The following L3HYPDH variants were observed in gnomAD, a reference collection of about 807,000 sequenced individuals.
L3HYPDH encodes trans-L-3-hydroxyproline dehydratase, also known as trans-3-hydroxy-L-proline dehydratase.
A neutral mutation model predicts 26.5 loss-of-function variants in L3HYPDH; 32 were observed. The ratio of observed to expected loss-of-function variants is 1.21; its 90% CI spans 0.91 to 1.62. L3HYPDH has a LOEUF of 1.62. Ranked by LOEUF, L3HYPDH falls within the 40% of genes most tolerant of loss-of-function variation. The pLI, the probability that L3HYPDH is intolerant of heterozygous loss-of-function variation, is 0.00. For missense variants in L3HYPDH, 554 were observed against 476.4 expected (o/e 1.16, Z -1.52); for synonymous variants, 215 against 196.6 (o/e 1.09, Z -0.78).
upstream of L3HYPDH, among the ~76,000 whole-genome samples, chr14:59,486,234 T>C (rs1017737841): frequency 1.4e-4 from 22 of 152,352 alleles, no homozygotes; most frequent in Admixed American, 1.0e-3. Context: ...TATGAAATTA[T>C]GTTCTCTCTG....
upstream of L3HYPDH, chr14:59,484,662 C>A: frequency 1.3e-6 from 2 of 1,536,330 alleles, no homozygotes; most frequent in Non-Finnish European, 1.8e-6. Flanking sequence ...CGGCTGGCCT[C>A]GGGCTCGGCT....
At chr14:59,477,375 C>CA (rs1889709581) in intron 2 of L3HYPDH, among the ~76,000 whole-genome samples, 1 of 152,214 alleles carries the variant, frequency 6.6e-6, no homozygotes, top group South Asian at 2.1e-4. Flanking sequence ...TCTGCTTCAG[C>CA]AGTGTGAATA....
At chr14:59,465,843 A>T (rs1889152994) in intron 1 of L3HYPDH, among the ~76,000 whole-genome samples, 2 of 152,176 alleles carry the variant, frequency 1.3e-5, no homozygotes, top group South Asian at 4.1e-4. Flanking sequence ...ATTCACATAG[A>T]GGGCGTGTTA....
downstream of L3HYPDH, among the ~76,000 whole-genome samples, chr14:59,468,389 C>T (rs1269613794): frequency 6.6e-6 from 1 of 152,194 alleles, no homozygotes; most frequent in Non-Finnish European, 1.5e-5. Flanking sequence ...GCTTTTATGA[C>T]TTCCTTAAAC....
At chr14:59,493,458 A>G in the L3HYPDH span, among the ~76,000 whole-genome samples, 1 of 152,212 alleles carries the variant, frequency 6.6e-6, no homozygotes, top group African/African-American at 2.4e-5. Flanking sequence ...TCACATCACA[A>G]AATAGTGAGA....
At chr14:59,474,746 G>A (rs1889511815) in intron 4 of L3HYPDH, 2 of 391,442 alleles carry the variant, frequency 5.1e-6, no homozygotes, top group Non-Finnish European at 9.0e-6. Context: ...ATTCTTGTGA[G>A]GATTAAATGA....
the L3HYPDH span, among the ~76,000 whole-genome samples, chr14:59,499,326 AGTAT>A: frequency 6.6e-6 from 1 of 152,252 alleles, no homozygotes; most frequent in South Asian, 2.1e-4. Flanking sequence ...TAAAAATCTA[AGTAT>A]GTAATAAGAA....
upstream of L3HYPDH, chr14:59,484,835 C>A: frequency 9.7e-7 from 1 of 1,028,374 alleles, no homozygotes; most frequent in Non-Finnish European, 1.4e-6. Flanking sequence ...GTTGTTTGGT[C>A]CGAAATGTCT....
chr14:59,494,706 AAC>A, the L3HYPDH span, among the ~76,000 whole-genome samples: 1 of 152,168 alleles, frequency 6.6e-6, no homozygotes, highest in Admixed American at 6.5e-5. Flanking sequence ...CTTTCTAACA[AAC>A]ACGTTACATA....
chr14:59,505,152 A>G, the L3HYPDH span: 1 of 588,138 alleles, frequency 1.7e-6, no homozygotes, highest in Non-Finnish European at 2.8e-6. Context: ...TAAGACTTCT[A>G]TTAACAGCTG....
intron 1 of L3HYPDH, among the ~76,000 whole-genome samples, chr14:59,466,916 A>G (rs1186508632): frequency 2.0e-5 from 3 of 152,148 alleles, no homozygotes; most frequent in Admixed American, 2.0e-4. Context: ...GATATTGCCA[A>G]ATATCCTCTT....
Position 59,484,111 on chromosome 14 carries a change from G to C in L3HYPDH, c.206C>G (p.Pro69Arg). ...DHVRRRLMFEPRGHRDMYGAV... is the reference protein window; with the variant it reads ...DHVRRRLMFERRGHRDMYGAV... ...CCCGTACATGTCCCGGTGCCCTCGG[G>C]GCTCGAACATGAGCCGTCGCCGCAC... The change falls in exon 1 of 5, where the codon CCC (proline) becomes CGC (arginine). Residue 69 changes from proline (P) to arginine (R), a missense_variant. Pro to Arg is a moderately radical substitution (Grantham distance 103). Coordinates refer to ENST00000247194, the MANE Select transcript of L3HYPDH (RefSeq NM_144581.2). 1 of 1,604,662 alleles carries C rather than the reference G, an allele frequency of 6.2e-7. No homozygotes were observed. Among genetic ancestry groups the C allele is most frequent in the Non-Finnish European group, 8.5e-7 (1 of 1,179,230 alleles).
Position 59,473,047 on chromosome 14 carries a change from G to C in L3HYPDH, c.983C>G (p.Ser328Ter). ...GDFKAVIVEV[S>*]GQAHYTGTAS... ...TGTACCCGTGTAATGGGCTTGTCCT[G>C]ATACTTCCACTATAACAGCTTTAAA... The change falls in exon 5 of 5, where the codon TCA (serine) becomes TGA (stop). Residue 328 changes from serine to a stop codon, truncating the protein, a stop_gained. Transcript: ENST00000247194. LOFTEE classifies it high-confidence loss of function. 2 of 1,606,800 alleles carry C rather than the reference G, an allele frequency of 1.2e-6. No homozygotes were observed. The highest frequency in any genetic ancestry group is 2.2e-5 in the South Asian group (2 of 89,878).
chr14:59,468,055 T>G (rs920751555), downstream of L3HYPDH, among the ~76,000 whole-genome samples: 2 of 126,554 alleles, frequency 1.6e-5, no homozygotes, highest in African/African-American at 6.8e-5. Context: ...CTAGGCATAA[T>G]GCTCTTAAAA....
At chr14:59,494,737 T>C in the L3HYPDH span, among the ~76,000 whole-genome samples, 1 of 152,168 alleles carries the variant, frequency 6.6e-6, no homozygotes, top group African/African-American at 2.4e-5. Context: ...TATGTGCATA[T>C]TAAGATTAAA....
At chr14:59,493,269 T>C in the L3HYPDH span, among the ~76,000 whole-genome samples, 23 of 152,340 alleles carry the variant, frequency 1.5e-4, no homozygotes, top group Admixed American at 1.4e-3. Flanking sequence ...AGAAGCCATA[T>C]GGAAGAGAAC....
At chr14:59,468,968 T>C (rs1156305601), downstream of L3HYPDH, among the ~76,000 whole-genome samples, 1 of 152,084 alleles carries the variant, frequency 6.6e-6, no homozygotes, top group African/African-American at 2.4e-5. Flanking sequence ...ATAAGCAATA[T>C]AGGAATTTAC....
At chr14:59,485,331 ATTGGTT>A, upstream of L3HYPDH, 2 of 442,526 alleles carry the variant, frequency 4.5e-6, no homozygotes, top group African/African-American at 2.1e-5. Flanking sequence ...TGTGATTACA[ATTGGTT>A]ACAAAAAAAA....
chr14:59,492,525 C>T, the L3HYPDH span, among the ~76,000 whole-genome samples: 1 of 152,162 alleles, frequency 6.6e-6, no homozygotes, highest in African/African-American at 2.4e-5. Flanking sequence ...TCAAGAAAGC[C>T]AAACCATGGT....
Sources: allele counts gnomAD v4.1 joint callset (sites outside exome capture counted in the v4.1 genomes callset), GRCh38; gene constraint gnomAD v4.1.1; transcripts MANE v1.5; gene names NCBI Gene and HGNC (gene_info 2026-07-23, HGNC 2026-07-21).